The following SLC15A5 variants were observed in gnomAD, a reference collection of about 807,000 sequenced individuals.
SLC15A5 encodes the protein solute carrier family 15 member 5, also known as Peptide/histidine transporter ENSP00000340402.
A neutral mutation model predicts 56.1 loss-of-function variants in SLC15A5; 58 were observed. The observed-to-expected ratio is 1.03, with a 90% CI of 0.84 to 1.29. SLC15A5 has a LOEUF of 1.29. Among genes scored for constraint, SLC15A5 ranks in the 50% most tolerant of loss-of-function variants. SLC15A5 has a pLI of 0.00. For synonymous variants in SLC15A5, 264 were observed against 250.5 expected, an observed-to-expected ratio of 1.05 and a Z score of -0.51; for missense variants, 681 against 672.1, an observed-to-expected ratio of 1.01 and a Z score of -0.15.
At chr12:16,254,374 C>A (rs990757567) in intron 3 of SLC15A5, among the ~76,000 whole-genome samples, 6 of 151,942 alleles carry the variant, frequency 3.9e-5, no homozygotes, top group Non-Finnish European at 7.4e-5. Flanking sequence ...TTTAGTGTTG[C>A]GGCAAGATGA....
intron 4 of SLC15A5, among the ~76,000 whole-genome samples, chr12:16,242,858 T>C (rs920751929): frequency 1.3e-5 from 2 of 152,200 alleles, no homozygotes; most frequent in Non-Finnish European, 2.9e-5. Flanking sequence ...TTGTACTGTT[T>C]ATCGGTTCCT....
chr12:16,249,804 A>C (rs1864501851), intron 3 of SLC15A5, among the ~76,000 whole-genome samples: 1 of 152,078 alleles, frequency 6.6e-6, no homozygotes, highest in Non-Finnish European at 1.5e-5. Context: ...ATACATATGT[A>C]TGCATATGTG....
chr12:16,231,997 G>C (rs965922876), intron 5 of SLC15A5, among the ~76,000 whole-genome samples: 4 of 152,148 alleles, frequency 2.6e-5, no homozygotes, highest in African/African-American at 9.7e-5. Context: ...AACCCCATAA[G>C]TCTCACTTAT....
intron 6 of SLC15A5, among the ~76,000 whole-genome samples, chr12:16,223,307 G>A (rs1243144469): frequency 2.0e-5 from 3 of 152,108 alleles, no homozygotes; most frequent in Non-Finnish European, 4.4e-5. Context: ...TCGGAAGATA[G>A]TTAGAAGTTA....
intron 7 of SLC15A5, among the ~76,000 whole-genome samples, chr12:16,203,973 A>G (rs2250228): frequency 0.21 from 31,703 of 151,944 alleles, 3,487 homozygotes; most frequent in African/African-American, 0.29. Context: ...GGAAAAATGT[A>G]TAAAATGTCT....
In SLC15A5 at chr12:16,257,196, G is replaced by A. The variant is rs184961238; in HGVS notation, c.754+505C>T. ...TTTTCAAATGGAATTTAACTTTTATGTATGCATACACCTACATAATATATT... is the reference window on the plus strand; with the variant it reads ...TTTTCAAATGGAATTTAACTTTTATATATGCATACACCTACATAATATATT... On this transcript the variant is annotated intron_variant, in intron 3 of 8. Transcript: ENST00000344941. Among the ~76,000 whole-genome samples the A allele has an allele frequency of 3.9e-5, 6 of 152,020 alleles. No individual in the cohort carries two copies. The East Asian group carries it at 5.8e-4, about 15-fold the overall frequency.
At chr12:16,199,293 G>A (rs1162352364) in intron 7 of SLC15A5, among the ~76,000 whole-genome samples, 2 of 109,616 alleles carry the variant, frequency 1.8e-5, no homozygotes, top group African/African-American at 7.7e-5. Context: ...AGTCTCATGT[G>A]TAGACTGTCT....
At chr12:16,240,012 G>C (rs1236343538) in intron 4 of SLC15A5, 145 bp from the exon 5 acceptor site, 1 of 703,070 alleles carries the variant, frequency 1.4e-6, no homozygotes, top group African/African-American at 1.8e-5. Context: ...CCAGTTATGA[G>C]CTGATAAAGG....
chr12:16,245,397 A>T (rs1487819493), intron 3 of SLC15A5, among the ~76,000 whole-genome samples: 1 of 152,134 alleles, frequency 6.6e-6, no homozygotes, highest in Admixed American at 6.5e-5. Flanking sequence ...TTGGCTTTTG[A>T]CTTTTCCAGT....
chr12:16,267,714 A>C (rs1415852774), intron 2 of SLC15A5, among the ~76,000 whole-genome samples: 218 of 54,766 alleles, frequency 4.0e-3, no homozygotes, highest in Middle Eastern at 7.9e-3. Context: ...TTTGCCAACA[A>C]CCCCCGCCCA....
chr12:16,224,849 G>A (rs1864224275), intron 5 of SLC15A5, among the ~76,000 whole-genome samples: 1 of 151,558 alleles, frequency 6.6e-6, no homozygotes, highest in Non-Finnish European at 1.5e-5. Flanking sequence ...TTTACAATAG[G>A]TATATCTCCT....
chr12:16,190,464 GC>G (rs1441570278), intron 8 of SLC15A5, among the ~76,000 whole-genome samples: 1 of 152,144 alleles, frequency 6.6e-6, no homozygotes, highest in African/African-American at 2.4e-5. Context: ...ATGGCATACT[GC>G]CTCTAAAGAC....
intron 6 of SLC15A5, among the ~76,000 whole-genome samples, chr12:16,219,458 G>A (rs1419711714): frequency 1.3e-5 from 2 of 152,146 alleles, no homozygotes; most frequent in Non-Finnish European, 2.9e-5. Context: ...GAAAGAGTAA[G>A]TAGGCCTATT....
chr12:16,238,161 T>G (rs1475555349), intron 5 of SLC15A5, among the ~76,000 whole-genome samples: 1 of 152,182 alleles, frequency 6.6e-6, no homozygotes, highest in Non-Finnish European at 1.5e-5. Flanking sequence ...TAAGGTGAGT[T>G]TAGTCACTTT....
At chr12:16,232,760 A>G (rs952214860) in intron 5 of SLC15A5, among the ~76,000 whole-genome samples, 4 of 152,036 alleles carry the variant, frequency 2.6e-5, no homozygotes, top group Non-Finnish European at 4.4e-5. Flanking sequence ...TACTAAAAAT[A>G]CCAAAATTAA....
chr12:16,250,248 C>T (rs1864506725), intron 3 of SLC15A5, among the ~76,000 whole-genome samples: 1 of 151,908 alleles, frequency 6.6e-6, no homozygotes, highest in East Asian at 1.9e-4. Flanking sequence ...ATTTATAAGA[C>T]ACAGGAATTT....
chr12:16,224,279 A>AAATT, intron 6 of SLC15A5, 135 bp downstream of exon 6: 1 of 734,342 alleles, frequency 1.4e-6, no homozygotes, highest in African/African-American at 1.8e-5. Context: ...TAATAAATAA[A>AAATT]TTTGCTGGAA....
Position 16,277,581 on chromosome 12 carries a change from G to T in SLC15A5, c.105C>A (p.His35Gln). 1 of 1,536,440 alleles carries T rather than the reference G, an allele frequency of 6.5e-7. No homozygotes were observed. ...VRHIGDLCSS[H>Q]SVKKIQVGIC... ...TTCCAACCTGAATTTTTTTCACAGAGTGTGAGGAACACAAATCGCCAATAT... is the reference window on the plus strand; with the variant it reads ...TTCCAACCTGAATTTTTTTCACAGATTGTGAGGAACACAAATCGCCAATAT... The change falls in exon 1 of 9, where the codon CAC becomes CAA. Residue 35 changes from histidine (H) to glutamine (Q), a missense_variant. Coordinates refer to ENST00000344941, the MANE Select transcript of SLC15A5 (RefSeq NM_001170798.1).
rs146608472 is a variant in SLC15A5, at chr12:16,203,228, G to A, written c.1484-8775C>T. On this transcript the variant is annotated intron_variant, in intron 7 of 8. Coordinates refer to ENST00000344941, the MANE Select transcript of SLC15A5 (RefSeq NM_001170798.1). ...TATGCAGGTATTGAAACATTACATT[G>A]TACCCCATAGATATATACAATTACT... Among the ~76,000 whole-genome samples, 967 of 151,864 alleles carry A rather than the reference G, an allele frequency of 6.4e-3. 23 individuals are homozygous for A. Among genetic ancestry groups the A allele is most frequent in the East Asian group, 5.4e-3 (28 of 5,168 alleles).
Sources: allele counts gnomAD v4.1 joint callset (sites outside exome capture counted in the v4.1 genomes callset), GRCh38; gene constraint gnomAD v4.1.1; transcripts MANE v1.5; gene names NCBI Gene and HGNC (gene_info 2026-07-23, HGNC 2026-07-21).